Variants in ANKRD35 observed in about 807,000 individuals in gnomAD.
ANKRD35 encodes ankyrin repeat domain 35, also known as ankyrin repeat domain-containing protein 35.
A neutral mutation model predicts 109.9 loss-of-function variants in ANKRD35; 102 were observed. That is an observed-to-expected ratio of 0.93 (90% CI 0.79 to 1.09). ANKRD35 has a LOEUF of 1.09. Ranked by LOEUF, ANKRD35 falls within the 50% of genes least tolerant of loss-of-function variation. ANKRD35 has a pLI of 0.00. For synonymous variants in ANKRD35, 515 were observed against 512.4 expected (o/e 1.01, Z -0.07); for missense variants, 1,240 against 1,230.1 (o/e 1.01, Z -0.12).
intron 2 of ANKRD35, 127 bp downstream of exon 2, chr1:145,879,131 A>T: frequency 8.1e-7 from 1 of 1,234,020 alleles, no homozygotes; most frequent in Non-Finnish European, 1.1e-6. Flanking sequence ...CTATTGATAT[A>T]CTTGCTAATT....
At chr1:145,879,233 G>T (rs1553740675) in intron 2 of ANKRD35, 25 bp downstream of exon 2, 1 of 1,567,686 alleles carries the variant, frequency 6.4e-7, no homozygotes. Flanking sequence ...ACATGTAAGG[G>T]GCAGGGGCAG....
chr1:145,880,918 C>T (rs1315422922), intron 1 of ANKRD35, among the ~76,000 whole-genome samples: 1 of 152,152 alleles, frequency 6.6e-6, no homozygotes, highest in Non-Finnish European at 1.5e-5. Context: ...ATCTCTTTGA[C>T]AGAAGAAACA....
At position 145,868,395 on chromosome 1, in the gene ANKRD35, C is replaced by T. The variant is rs782810898; in HGVS notation, c.2793G>A (p.Lys931=). The T allele has an allele frequency of 1.9e-6, 3 of 1,614,192 alleles. No individual in the cohort carries two copies. The highest frequency in any genetic ancestry group is 1.1e-5 in the South Asian group (1 of 91,086). ...GACRDKEAKI[K]ELLKKLEQLS... ...GCTGCTCCAGCTTCTTCAACAACTC[C>T]TTGATCTGAGGCCAAGAGGAAAGAG... The change falls in exon 11 of 14, where the codon AAG becomes AAA. Residue 931 remains lysine (K), a synonymous_variant. Transcript: ENST00000355594.
At position 145,876,189 on chromosome 1, in the gene ANKRD35, G is replaced by C. The variant is rs1553740031; in HGVS notation, c.511C>G (p.Gln171Glu). ...SLGGHAAICS[Q>E]LLQRGARVNV... ...ACTCGGGCGCCTCGCTGCAGCAGCT[G>C]TGAGCAGATAGCTGCGTGCCCACCC... The change falls in exon 7 of 14, where the codon CAG (glutamine) becomes GAG (glutamate). Residue 171 changes from glutamine to glutamate, a missense_variant. Physicochemically the swap from Gln to Glu is conservative, Grantham distance 29 (BLOSUM62 2). Transcript: ENST00000355594. The C allele has an allele frequency of 6.2e-7, 1 of 1,614,092 alleles. No homozygotes were observed. The highest frequency in any genetic ancestry group is 8.5e-7 in the Non-Finnish European group (1 of 1,180,004).
Position 145,873,896 on chromosome 1 carries a change from T to G in ANKRD35, c.873A>C (p.Glu291Asp). ...PEEEQEEKEDEDPCSEEWRWK... is the reference protein window; with the variant it reads ...PEEEQEEKEDDDPCSEEWRWK... ...ACCTCCACTCCTCCGAGCACGGGTCTTCATCCTCCTTCTCCTCTTGCTCCT... is the reference window on the plus strand; with the variant it reads ...ACCTCCACTCCTCCGAGCACGGGTCGTCATCCTCCTTCTCCTCTTGCTCCT... The change falls in exon 10 of 14, where the codon GAA becomes GAC. Residue 291 changes from glutamate to aspartate, a missense_variant. Physicochemically the swap from Glu to Asp is conservative, Grantham distance 45. Transcript: ENST00000355594. 6.2e-7 allele frequency: 1 copy of G among 1,614,194 alleles called. No homozygotes were observed. The highest frequency in any genetic ancestry group is 8.5e-7 in the Non-Finnish European group (1 of 1,180,024).
Position 145,882,024 on chromosome 1 carries a change from G to A in ANKRD35, c.40-2636C>T, listed in dbSNP as rs587623678. Among the ~76,000 whole-genome samples, 6 of 138,216 alleles carry A rather than the reference G, an allele frequency of 4.3e-5. No homozygotes were observed. In the South Asian group the frequency reaches 1.1e-3, roughly 26 times the overall value. The allele number at this position is 138,216 out of a possible 152,430, so 90.7% of individuals were successfully genotyped here. On this transcript the variant is annotated intron_variant, in intron 1 of 13. Coordinates refer to ENST00000355594, the MANE Select transcript of ANKRD35 (RefSeq NM_144698.5). ...GGCTGGAGTGCAGTGGCGTGGTCTC[G>A]GCTCACTGCAACCTCCACCTCCCAG...
At position 145,874,941 on chromosome 1, in the gene ANKRD35, C is replaced by T. The variant is rs587739486; in HGVS notation, c.626G>A (p.Gly209Glu). ...AEVAELLLSH[G>E]ADAGAVDSTG... ...GCTGTCCACAGCCCCCGCGTCAGCT[C>T]CGTGGCTCAGGAGCAGTTCAGCCAC... Residue 209 changes from glycine (G) to glutamate (E), a missense_variant, in exon 8 of 14, where the codon GGA (glycine) becomes GAA (glutamate). Physicochemically the swap from Gly to Glu is moderately conservative, Grantham distance 98 (BLOSUM62 -2). Transcript: ENST00000355594. 54 of 1,613,398 alleles carry T rather than the reference C, an allele frequency of 3.3e-5. 1 individual carries two copies. In the South Asian group the frequency reaches 5.5e-4, roughly 16 times the overall value.
At position 145,869,283 on chromosome 1, in the gene ANKRD35, G is replaced by A. The variant is rs111355000; in HGVS notation, c.2788-883C>T. 5.6e-3 allele frequency among the ~76,000 whole-genome samples: 856 copies of A among 152,150 alleles called. 5 individuals are homozygous for A. The highest frequency in any genetic ancestry group is 0.024 in the East Asian group (122 of 5,180). On this transcript the variant is annotated intron_variant, in intron 10 of 13. Transcript: ENST00000355594. ...CTGCAACATCTGCCTCCAGGTTCAA[G>A]TGATTCTCCTGCCTCAGCCTCCCAA...
intron 4 of ANKRD35, 62 bp downstream of exon 4, chr1:145,877,906 G>T: frequency 6.6e-7 from 1 of 1,511,900 alleles, no homozygotes; most frequent in Non-Finnish European, 9.2e-7. Flanking sequence ...ATGAAATGAA[G>T]TTAGAAAACT....
chr1:145,874,925 A>AGCCCCCGCGTCAGCTCCGTG lies in ANKRD35; in HGVS notation c.622_641dup (p.Val215ThrfsTer35). 1 of 1,613,632 alleles carries AGCCCCCGCGTCAGCTCCGTG rather than the reference A, an allele frequency of 6.2e-7. No homozygotes were observed. Among genetic ancestry groups the AGCCCCCGCGTCAGCTCCGTG allele is most frequent in the Non-Finnish European group, 8.5e-7 (1 of 1,179,802 alleles). On this transcript the variant is annotated frameshift_variant, in exon 8 of 14. Coordinates refer to ENST00000355594, the MANE Select transcript of ANKRD35 (RefSeq NM_144698.5). LOFTEE classifies it high-confidence loss of function. ...GAGCATCATGCCCTGTGCTGTCCACAGCCCCCGCGTCAGCTCCGTGGCTCA... is the reference window on the plus strand; with the variant it reads ...GAGCATCATGCCCTGTGCTGTCCACAGCCCCCGCGTCAGCTCCGTGGCCCCCGCGTCAGCTCCGTGGCTCA...
chr1:145,875,810 A>C (rs1654049252), intron 7 of ANKRD35, among the ~76,000 whole-genome samples: 1 of 152,226 alleles, frequency 6.6e-6, no homozygotes. Flanking sequence ...GGCCTCCCAA[A>C]GTGCTGGGAT....
chr1:145,872,640 G>A lies in ANKRD35; in HGVS notation c.2129C>T (p.Ala710Val). 1 of 1,614,046 alleles carries A rather than the reference G, an allele frequency of 6.2e-7. No homozygotes were observed. Among genetic ancestry groups the A allele is most frequent in the Non-Finnish European group, 8.5e-7 (1 of 1,179,972 alleles). ...TGCACTCCTCTCGCCCACTAGGTCT[G>A]CGGGCAGGCAGTCCCACAGCCCTCG... Reference protein sequence around the residue: ...GLRGLWDCLPADLVGERSAQS... With the variant: ...GLRGLWDCLPVDLVGERSAQS... The change falls in exon 10 of 14, where the codon GCA becomes GTA. Residue 710 changes from alanine to valine, a missense_variant. By Grantham distance (64) the Ala-to-Val change is moderately conservative. Transcript: ENST00000355594.
In ANKRD35 at chr1:145,872,668, G is replaced by T. The variant is rs782223995; in HGVS notation, c.2101C>A (p.Leu701Ile). 1 of 1,614,126 alleles carries T rather than the reference G, an allele frequency of 6.2e-7. No homozygotes were observed. Among genetic ancestry groups the T allele is most frequent in the Non-Finnish European group, 8.5e-7 (1 of 1,179,992 alleles). ...RKLLASQSSGLRGLWDCLPAD... is the reference protein window; with the variant it reads ...RKLLASQSSGIRGLWDCLPAD... Reference sequence around the variant, plus strand: ...GGCAGGCAGTCCCACAGCCCTCGGAGACCGCTGCTCTGGGAGGCCAGGAGC... The same window carrying T: ...GGCAGGCAGTCCCACAGCCCTCGGATACCGCTGCTCTGGGAGGCCAGGAGC... Residue 701 changes from leucine to isoleucine, a missense_variant, in exon 10 of 14, where the codon CTC becomes ATC. Leu to Ile is a conservative substitution (Grantham distance 5). Coordinates refer to ENST00000355594, the MANE Select transcript of ANKRD35 (RefSeq NM_144698.5).
At chr1:145,867,938 A>T in intron 12 of ANKRD35, 53 bp downstream of exon 12, 1 of 1,559,588 alleles carries the variant, frequency 6.4e-7, no homozygotes, top group South Asian at 1.1e-5. Context: ...TAAATGCAAT[A>T]CCCTATACTC....
chr1:145,883,273 T>C (rs1654360992), intron 1 of ANKRD35, among the ~76,000 whole-genome samples: 1 of 151,938 alleles, frequency 6.6e-6, no homozygotes, highest in African/African-American at 2.4e-5. Context: ...TTAGTAGAGA[T>C]AGGGTATCGC....
intron 1 of ANKRD35, among the ~76,000 whole-genome samples, chr1:145,882,866 T>G (rs1448673324): frequency 6.6e-6 from 1 of 152,284 alleles, no homozygotes. Context: ...AAGCTTTGTA[T>G]TTCCATAGCT....
In ANKRD35 at chr1:145,867,404, A is replaced by C. The variant is rs781985505; in HGVS notation, c.2944-12T>G. The C allele has an allele frequency of 6.2e-7, 1 of 1,612,762 alleles. No individual in the cohort carries two copies. The highest frequency in any genetic ancestry group is 2.2e-5 in the East Asian group (1 of 44,854). On this transcript the variant is annotated splice_polypyrimidine_tract_variant and intron_variant, in intron 12 of 13. Transcript: ENST00000355594. ...TGTTCCATGTAACCCTGTAGATGTC[A>C]GGAAAGGAAGAAAAGGAGATGAAGA...
chr1:145,880,158 TG>T (rs1553740862), intron 1 of ANKRD35, among the ~76,000 whole-genome samples: 1 of 152,174 alleles, frequency 6.6e-6, no homozygotes, highest in Non-Finnish European at 1.5e-5. Context: ...CAGCCACACC[TG>T]GGCATGCATT....
At chr1:145,876,089 T>C in intron 7 of ANKRD35, 51 bp downstream of exon 7, 2 of 1,541,304 alleles carry the variant, frequency 1.3e-6, no homozygotes, top group Non-Finnish European at 1.8e-6. Flanking sequence ...CTGGCTTCTT[T>C]CTAAATTGGT....
Sources: allele counts gnomAD v4.1 joint callset (sites outside exome capture counted in the v4.1 genomes callset), GRCh38; gene constraint gnomAD v4.1.1; transcripts MANE v1.5; gene names NCBI Gene and HGNC (gene_info 2026-07-23, HGNC 2026-07-21).